MASP1: variants seen among roughly 807,000 people sequenced by gnomAD.
MASP1 encodes the protein mannan-binding lectin serine protease 1.
MASP1 carries 59 observed loss-of-function variants against 77.1 expected under a neutral mutation model. The ratio of observed to expected loss-of-function variants is 0.77; its 90% CI spans 0.62 to 0.95. The LOEUF (loss-of-function observed/expected upper bound fraction) is 0.95. Among genes scored for constraint, MASP1 ranks in the 40% least tolerant of loss-of-function variants. The probability of loss-of-function intolerance (pLI) is 0.00; values close to 1 mark genes in which losing one functional copy is unlikely to be tolerated. For synonymous variants in MASP1, 362 were observed against 354.5 expected (o/e 1.02, Z -0.24); for missense variants, 885 against 912.9 (o/e 0.97, Z 0.39).
At chr3:187,223,719 A>G (rs1712206836) in intron 13 of MASP1, among the ~76,000 whole-genome samples, 1 of 152,228 alleles carries the variant, frequency 6.6e-6, no homozygotes, top group Non-Finnish European at 1.5e-5. Context: ...CTAGAAGTCT[A>G]TGAAGTTGGT....
At chr3:187,259,315 G>C (rs78159016) in intron 4 of MASP1, among the ~76,000 whole-genome samples, 29 of 152,270 alleles carry the variant, frequency 1.9e-4, no homozygotes, top group African/African-American at 6.5e-4. Flanking sequence ...GAAGATGGAA[G>C]TCTCCTGAGT....
At position 187,235,456 on chromosome 3, in the gene MASP1, A is replaced by T. The variant is rs78393224; in HGVS notation, c.*228T>A. The T allele has an allele frequency of 0.015, 22,885 of 1,515,624 alleles. 229 individuals are homozygous for T. The highest frequency in any genetic ancestry group is 0.018 in the Non-Finnish European group (19,968 of 1,135,320). 93.9% of individuals were successfully genotyped at this position (1,515,624 alleles called of 1,614,324 possible). A position where few individuals can be genotyped will look rare whatever the true frequency, so the allele number is the denominator to read the frequency against. On this transcript the variant is annotated 3_prime_UTR_variant, in exon 11 of 11. Transcript: ENST00000296280. Reference sequence around the variant, plus strand: ...TATTACTCGGTAGAGTGAGGCCCAGACAGGGAAAGAGACTTGGACAAGCTC... The same window carrying T: ...TATTACTCGGTAGAGTGAGGCCCAGTCAGGGAAAGAGACTTGGACAAGCTC...
chr3:187,269,120 A>G (rs1579557825), intron 2 of MASP1, among the ~76,000 whole-genome samples: 1 of 152,124 alleles, frequency 6.6e-6, no homozygotes, highest in African/African-American at 2.4e-5. Context: ...TAAATGTCAA[A>G]TCAATGGTGT....
chr3:187,271,830 C>T (rs764569171), intron 2 of MASP1, among the ~76,000 whole-genome samples: 1 of 152,186 alleles, frequency 6.6e-6, no homozygotes, highest in Non-Finnish European at 1.5e-5. Flanking sequence ...CCTCCTCCCC[C>T]CTTGTCTTCC....
intron 6 of MASP1, among the ~76,000 whole-genome samples, 183 bp from the exon 7 acceptor site, chr3:187,251,935 T>C (rs1314571021): frequency 6.6e-6 from 1 of 152,244 alleles, no homozygotes; most frequent in South Asian, 2.1e-4. Flanking sequence ...AGTTTCCAAC[T>C]TGGACCACCA....
intron 10 of MASP1, among the ~76,000 whole-genome samples, chr3:187,240,358 G>A (rs1713531387): frequency 6.6e-6 from 1 of 151,990 alleles, no homozygotes; most frequent in Non-Finnish European, 1.5e-5. Flanking sequence ...TAACCATATT[G>A]CAAATTTCCT....
chr3:187,226,116 A>C, intron 12 of MASP1: 1 of 441,674 alleles, frequency 2.3e-6, no homozygotes. Context: ...TGTATGATCT[A>C]TTTGAAACCA....
At chr3:187,281,655 G>A (rs530090906) in intron 2 of MASP1, among the ~76,000 whole-genome samples, 8 of 152,288 alleles carry the variant, frequency 5.3e-5, no homozygotes, top group South Asian at 2.1e-4. Flanking sequence ...GTAAACATAC[G>A]ATTTCTGTTT....
chr3:187,221,006 C>T (rs1712027908), intron 15 of MASP1: 6 of 1,572,538 alleles, frequency 3.8e-6, no homozygotes, highest in Non-Finnish European at 5.3e-6. Context: ...CTGGCAGCGC[C>T]CCTGTTGTAT....
chr3:187,251,825 A>T, intron 6 of MASP1, 73 bp from the exon 7 acceptor site: 1 of 1,143,288 alleles, frequency 8.7e-7, no homozygotes. Context: ...GTCCCTAGAA[A>T]GCAAGGCCTG....
intron 1 of MASP1, among the ~76,000 whole-genome samples, chr3:187,286,976 C>T (rs944807568): frequency 2.6e-5 from 4 of 152,334 alleles, no homozygotes; most frequent in African/African-American, 4.8e-5. Context: ...AGAGTCACCA[C>T]ATCCTACTTA....
At position 187,235,969 on chromosome 3, in the gene MASP1, A is replaced by G. The variant is rs1348350510; in HGVS notation, c.1902T>C (p.Tyr634=). 6.2e-7 allele frequency: 1 copy of G among 1,614,230 alleles called. No homozygotes were observed. Among genetic ancestry groups the G allele is most frequent in the Non-Finnish European group, 8.5e-7 (1 of 1,180,040 alleles). Residue 634 remains tyrosine (Y), a synonymous_variant, in exon 11 of 11, where the codon TAT becomes TAC. Transcript: ENST00000296280. ...VVPHAECKTS[Y]ESRSGNYSVT... ...CGCTGTAATTGCCCGAGCGGGACTC[A>G]TAGCTAGTTTTGCACTCAGCGTGAG...
intron 2 of MASP1, among the ~76,000 whole-genome samples, chr3:187,266,633 G>T (rs1180922997): frequency 1.3e-5 from 2 of 152,118 alleles, no homozygotes; most frequent in African/African-American, 4.8e-5. Context: ...AAGGCCTGGG[G>T]TATTCAAATC....
chr3:187,228,257 A>C (rs1028191118), intron 11 of MASP1, among the ~76,000 whole-genome samples: 2 of 149,130 alleles, frequency 1.3e-5, no homozygotes, highest in African/African-American at 5.0e-5. Flanking sequence ...ACTGTACTCC[A>C]TCCTGGTGAC....
chr3:187,290,067 T>C (rs1223137006), intron 1 of MASP1, among the ~76,000 whole-genome samples: 2 of 152,176 alleles, frequency 1.3e-5, no homozygotes, highest in Non-Finnish European at 2.9e-5. Context: ...GAAATAGACA[T>C]TATGCTAGGT....
chr3:187,243,647 C>T, intron 8 of MASP1, 26 bp from the exon 9 acceptor site: 1 of 1,613,930 alleles, frequency 6.2e-7, no homozygotes, highest in Non-Finnish European at 8.5e-7. Context: ...TGAGACCCCT[C>T]AACTGCCTTT....
At chr3:187,261,800 G>A (rs1481491029) in intron 3 of MASP1, among the ~76,000 whole-genome samples, 1 of 152,150 alleles carries the variant, frequency 6.6e-6, no homozygotes, top group Non-Finnish European at 1.5e-5. Flanking sequence ...GTTAGTGAGA[G>A]CTAAAAAATG....
At chr3:187,265,186 G>T (rs140132041) in intron 2 of MASP1, among the ~76,000 whole-genome samples, 1 of 152,146 alleles carries the variant, frequency 6.6e-6, no homozygotes, top group East Asian at 1.9e-4. Context: ...GCTTGCGGAT[G>T]AACTTGAATT....
rs115508642 is a variant in MASP1, at chr3:187,236,887, A to G, written c.1304-320T>C. On this transcript the variant is annotated intron_variant, in intron 10 of 10. Coordinates refer to ENST00000296280, the MANE Select transcript of MASP1 (RefSeq NM_139125.4). ...CTTGTGACCCAGACCATTTACAGCC[A>G]TCTATTTCCAGTAGTGGTCACTTCT... 0.01 allele frequency among the ~76,000 whole-genome samples: 1,557 copies of G among 152,282 alleles called. 30 individuals carry two copies. The highest frequency in any genetic ancestry group is 0.036 in the African/African-American group (1,476 of 41,554).
Sources: gnomAD v4.1 joint callset for allele counts (sites outside exome capture counted in the v4.1 genomes callset) on GRCh38, gnomAD v4.1.1 for gene constraint, MANE v1.5 for transcripts, NCBI Gene and HGNC (gene_info 2026-07-23, HGNC 2026-07-21) for gene names.